Variants in CTNNA3 observed in about 807,000 individuals in gnomAD.
CTNNA3 encodes the protein catenin alpha-3.
A neutral mutation model predicts 95.7 loss-of-function variants in CTNNA3; 76 were observed. The observed-to-expected ratio is 0.79, with a 90% CI of 0.66 to 0.96. The LOEUF (loss-of-function observed/expected upper bound fraction) is 0.96, where lower values mean the gene tolerates loss of function less well. Among genes scored for constraint, CTNNA3 ranks in the 40% least tolerant of loss-of-function variants. The pLI is 0.00. For missense variants in CTNNA3, 1,191 were observed against 1,089.8 expected (o/e 1.09, Z -1.31); for synonymous variants, 431 against 374.4 (o/e 1.15, Z -1.74).
At chr10:66,945,461 C>A (rs1048031908) in intron 7 of CTNNA3, among the ~76,000 whole-genome samples, 2 of 152,286 alleles carry the variant, frequency 1.3e-5, no homozygotes, top group South Asian at 4.1e-4. Context: ...GGGCTTTACT[C>A]TGGATTAGGC....
chr10:67,565,046 G>A (rs1841707286), intron 3 of CTNNA3, among the ~76,000 whole-genome samples: 1 of 121,678 alleles, frequency 8.2e-6, no homozygotes, highest in African/African-American at 3.7e-5. Context: ...TTCCTATTCA[G>A]CATAGTACCA....
At chr10:66,582,908 TA>T (rs1307282338) in intron 10 of CTNNA3, among the ~76,000 whole-genome samples, 5 of 151,572 alleles carry the variant, frequency 3.3e-5, no homozygotes, top group African/African-American at 9.7e-5. Context: ...TATATTTATT[TA>T]AAAAAATTCT....
chr10:67,422,258 T>C (rs904580189), intron 5 of CTNNA3, among the ~76,000 whole-genome samples: 1 of 152,156 alleles, frequency 6.6e-6, no homozygotes, highest in African/African-American at 2.4e-5. Context: ...TTTTGATAAC[T>C]GTATTGAGAT....
chr10:67,392,375 A>C (rs1450262136), intron 5 of CTNNA3, among the ~76,000 whole-genome samples: 1 of 152,252 alleles, frequency 6.6e-6, no homozygotes, highest in Middle Eastern at 3.2e-3. Flanking sequence ...CACACCAGTT[A>C]GAATGGCGAT....
At chr10:65,930,035 C>T (rs902936692) in intron 17 of CTNNA3, among the ~76,000 whole-genome samples, 3 of 151,796 alleles carry the variant, frequency 2.0e-5, no homozygotes, top group Non-Finnish European at 4.4e-5. Context: ...GGTACTGTGA[C>T]TCTTTCCCAT....
intron 11 of CTNNA3, among the ~76,000 whole-genome samples, chr10:66,430,249 AAGG>A (rs1197028270): frequency 6.6e-6 from 1 of 152,056 alleles, no homozygotes; most frequent in Non-Finnish European, 1.5e-5. Flanking sequence ...CAAGGAAATA[AAGG>A]AGGATACAAA....
At chr10:67,471,589 A>G (rs924166004) in intron 5 of CTNNA3, among the ~76,000 whole-genome samples, 1 of 152,230 alleles carries the variant, frequency 6.6e-6, no homozygotes, top group Non-Finnish European at 1.5e-5. Context: ...AGAAAAAAAG[A>G]ACTGGATTCC....
chr10:66,439,481 T>C (rs2093361444), intron 11 of CTNNA3, among the ~76,000 whole-genome samples: 1 of 152,126 alleles, frequency 6.6e-6, no homozygotes, highest in Non-Finnish European at 1.5e-5. Flanking sequence ...CATGTGCATA[T>C]TTCTGTAGAT....
At chr10:65,941,937 C>T (rs1463221812) in intron 17 of CTNNA3, among the ~76,000 whole-genome samples, 1 of 152,152 alleles carries the variant, frequency 6.6e-6, no homozygotes, top group East Asian at 1.9e-4. Context: ...GTTTCTGGCT[C>T]ACTCCATTTT....
intron 9 of CTNNA3, among the ~76,000 whole-genome samples, chr10:66,649,729 C>T (rs138365130): frequency 2.8e-4 from 43 of 152,330 alleles, no homozygotes; most frequent in African/African-American, 9.6e-4. Flanking sequence ...GCCAGGCTGA[C>T]CCCAGCAGCC....
chr10:66,865,205 TGTGTGTGC>T (rs1564732321), intron 7 of CTNNA3, among the ~76,000 whole-genome samples: 1 of 97,406 alleles, frequency 1.0e-5, no homozygotes, highest in African/African-American at 3.6e-5. Context: ...ATGGGGTGTG[TGTGTGTGC>T]GTGTGTGTGT....
chr10:66,330,088 T>G (rs1223001966), intron 12 of CTNNA3, among the ~76,000 whole-genome samples: 1 of 152,064 alleles, frequency 6.6e-6, no homozygotes, highest in Non-Finnish European at 1.5e-5. Flanking sequence ...TTTATTATAC[T>G]GTAAGTTTTA....
chr10:67,435,295 T>C (rs1846265141), intron 5 of CTNNA3, among the ~76,000 whole-genome samples: 1 of 151,946 alleles, frequency 6.6e-6, no homozygotes. Flanking sequence ...ACATCCGCTT[T>C]CACATTTTAC....
intron 5 of CTNNA3, among the ~76,000 whole-genome samples, chr10:67,419,268 A>G (rs1027314908): frequency 4.6e-5 from 7 of 152,234 alleles, no homozygotes; most frequent in Non-Finnish European, 1.0e-4. Flanking sequence ...CAAATTATAT[A>G]ATTAGATAGG....
intron 9 of CTNNA3, among the ~76,000 whole-genome samples, chr10:66,738,928 C>G (rs531832557): frequency 1.3e-5 from 2 of 152,240 alleles, no homozygotes; most frequent in Admixed American, 6.5e-5. Context: ...TTTTCCCAAC[C>G]CTTTTCACCT....
intron 7 of CTNNA3, among the ~76,000 whole-genome samples, chr10:67,048,196 G>A (rs2133173949): frequency 1.3e-5 from 2 of 152,064 alleles, no homozygotes; most frequent in South Asian, 4.2e-4. Flanking sequence ...AAAAATAACA[G>A]TAGGATTAAC....
intron 7 of CTNNA3, among the ~76,000 whole-genome samples, chr10:66,782,280 T>C (rs1840566880): frequency 6.6e-6 from 1 of 152,170 alleles, no homozygotes; most frequent in Admixed American, 6.6e-5. Flanking sequence ...TTAGCAGTTA[T>C]TATTAGACAT....
At chr10:66,616,927 A>C (rs1844536770) in intron 10 of CTNNA3, among the ~76,000 whole-genome samples, 1 of 151,962 alleles carries the variant, frequency 6.6e-6, no homozygotes, top group Non-Finnish European at 1.5e-5. Context: ...TATTAAGAAA[A>C]ATATCAAGAA....
chr10:66,184,597 G>A (rs560700884), intron 13 of CTNNA3, among the ~76,000 whole-genome samples: 45 of 152,072 alleles, frequency 3.0e-4, no homozygotes, highest in African/African-American at 7.7e-4. Context: ...TATAAATCAC[G>A]TTTCCATAGA....
Sources: gnomAD v4.1 joint callset for allele counts (sites outside exome capture counted in the v4.1 genomes callset) on GRCh38, gnomAD v4.1.1 for gene constraint, MANE v1.5 for transcripts, NCBI Gene and HGNC (gene_info 2026-07-23, HGNC 2026-07-21) for gene names.